The following ADGRL4 variants were observed in gnomAD, a reference collection of about 807,000 sequenced individuals.
The protein encoded by ADGRL4 is adhesion G protein-coupled receptor L4.
ADGRL4 carries 90 observed loss-of-function variants against 74.8 expected under a neutral mutation model. The observed-to-expected ratio is 1.20, with a 90% CI of 1.02 to 1.43. The LOEUF (loss-of-function observed/expected upper bound fraction) is 1.43. Ranked by LOEUF, ADGRL4 falls within the 40% of genes most tolerant of loss-of-function variation. ADGRL4 has a pLI of 0.00. For missense variants in ADGRL4, 881 were observed against 814.3 expected (o/e 1.08, Z -1.00); for synonymous variants, 311 against 279.2 (o/e 1.11, Z -1.14).
At chr1:78,983,495 A>G (rs1650436540) in intron 2 of ADGRL4, among the ~76,000 whole-genome samples, 1 of 151,828 alleles carries the variant, frequency 6.6e-6, no homozygotes, top group Admixed American at 6.6e-5. Context: ...TGGTTGAACA[A>G]CAGATTAAAT....
At chr1:78,939,958 T>C (rs1288815259) in intron 3 of ADGRL4, among the ~76,000 whole-genome samples, 1 of 152,170 alleles carries the variant, frequency 6.6e-6, no homozygotes, top group African/African-American at 2.4e-5. Flanking sequence ...TAGATGCATA[T>C]ACTTTTTAAC....
intron 2 of ADGRL4, among the ~76,000 whole-genome samples, chr1:79,002,802 C>T (rs181055519): frequency 6.1e-4 from 92 of 151,880 alleles, no homozygotes; most frequent in African/African-American, 1.9e-3. Flanking sequence ...ATGATAATGA[C>T]GATCAAAGTG....
chr1:78,928,552 C>T (rs899722347), intron 7 of ADGRL4, among the ~76,000 whole-genome samples: 2 of 151,336 alleles, frequency 1.3e-5, no homozygotes, highest in African/African-American at 4.9e-5. Context: ...CTTTACAATG[C>T]TTACTTTAGT....
intron 2 of ADGRL4, among the ~76,000 whole-genome samples, chr1:78,981,374 C>A (rs116315974): frequency 6.1e-4 from 93 of 151,900 alleles, no homozygotes; most frequent in African/African-American, 2.1e-3. Context: ...TTTATCATGC[C>A]CATTTCATAA....
At chr1:78,923,800 G>T (rs933904940) in intron 8 of ADGRL4, among the ~76,000 whole-genome samples, 1 of 151,480 alleles carries the variant, frequency 6.6e-6, no homozygotes, top group African/African-American at 2.4e-5. Context: ...ATTAAAAATA[G>T]GAATGAAAAA....
intron 2 of ADGRL4, among the ~76,000 whole-genome samples, chr1:78,980,308 G>A (rs1156441541): frequency 2.0e-5 from 3 of 151,494 alleles, no homozygotes; most frequent in Non-Finnish European, 2.9e-5. Flanking sequence ...TTTTCTCTAG[G>A]CCTTTATTCT....
At chr1:78,988,538 G>A (rs1650541803) in intron 2 of ADGRL4, among the ~76,000 whole-genome samples, 1 of 151,834 alleles carries the variant, frequency 6.6e-6, no homozygotes, top group South Asian at 2.1e-4. Flanking sequence ...AAGGTGTCTT[G>A]ATACATTTCC....
chr1:79,000,413 G>A (rs4549994), intron 2 of ADGRL4, among the ~76,000 whole-genome samples: 66,067 of 151,944 alleles, frequency 0.43, 14,384 homozygotes, highest in East Asian at 0.59. Flanking sequence ...AACCAGGTCA[G>A]CGAAGTCTTT....
chr1:78,995,631 T>G (rs1454579249), intron 2 of ADGRL4, among the ~76,000 whole-genome samples: 3 of 152,324 alleles, frequency 2.0e-5, no homozygotes, highest in Admixed American at 1.3e-4. Context: ...TCTTTCAAAT[T>G]GAGTCCAAAA....
At chr1:78,922,776 A>G (rs927482586) in intron 8 of ADGRL4, among the ~76,000 whole-genome samples, 9 of 152,012 alleles carry the variant, frequency 5.9e-5, no homozygotes, top group Non-Finnish European at 1.2e-4. Flanking sequence ...CTAAACACTG[A>G]TAGATGGAGT....
intron 7 of ADGRL4, among the ~76,000 whole-genome samples, chr1:78,934,240 A>G (rs1557503151): frequency 1.3e-5 from 2 of 152,134 alleles, no homozygotes; most frequent in South Asian, 4.2e-4. Flanking sequence ...GACCTCAGAA[A>G]TAACACCACA....
chr1:78,916,096 C>T (rs2100667257), intron 12 of ADGRL4, among the ~76,000 whole-genome samples: 1 of 151,896 alleles, frequency 6.6e-6, no homozygotes, highest in African/African-American at 2.4e-5. Flanking sequence ...GAAAAGTTTT[C>T]AGGACTCATT....
intron 2 of ADGRL4, among the ~76,000 whole-genome samples, chr1:78,971,203 G>T (rs1314917290): frequency 6.6e-6 from 1 of 152,100 alleles, no homozygotes; most frequent in African/African-American, 2.4e-5. Context: ...AGCACCCCCT[G>T]ACAGCAGGAA....
At chr1:78,907,007 T>C (rs914958027) in intron 12 of ADGRL4, among the ~76,000 whole-genome samples, 7 of 152,004 alleles carry the variant, frequency 4.6e-5, no homozygotes, top group African/African-American at 1.7e-4. Flanking sequence ...CCCATCTACA[T>C]ATCAGAAATT....
intron 12 of ADGRL4, among the ~76,000 whole-genome samples, chr1:78,916,450 T>C (rs1285285981): frequency 2.0e-5 from 3 of 151,932 alleles, no homozygotes; most frequent in Non-Finnish European, 4.4e-5. Context: ...TATATTCTTA[T>C]GTGGGTTGGA....
At chr1:78,972,063 T>C (rs1650180349) in intron 2 of ADGRL4, among the ~76,000 whole-genome samples, 1 of 152,124 alleles carries the variant, frequency 6.6e-6, no homozygotes, top group Non-Finnish European at 1.5e-5. Context: ...CCAGGATTAT[T>C]TTAAGGATTA....
At chr1:78,916,040 C>G (rs1648865870) in intron 12 of ADGRL4, among the ~76,000 whole-genome samples, 1 of 151,834 alleles carries the variant, frequency 6.6e-6, no homozygotes, top group Admixed American at 6.6e-5. Context: ...AATTGGCTCA[C>G]TAGCTCCAGA....
chr1:78,983,397 G>T (rs1042782533), intron 2 of ADGRL4, among the ~76,000 whole-genome samples: 5 of 150,946 alleles, frequency 3.3e-5, no homozygotes, highest in Admixed American at 6.6e-5. Context: ...AAGCTACAAG[G>T]TTCTATTAAA....
intron 12 of ADGRL4, among the ~76,000 whole-genome samples, chr1:78,915,217 C>A (rs1157511503): frequency 1.3e-5 from 2 of 151,858 alleles, no homozygotes; most frequent in Non-Finnish European, 2.9e-5. Flanking sequence ...GAAGAATACT[C>A]CAGTAAGCAC....
Sources: allele counts gnomAD v4.1 joint callset (sites outside exome capture counted in the v4.1 genomes callset), GRCh38; gene constraint gnomAD v4.1.1; transcripts MANE v1.5; gene names NCBI Gene and HGNC (gene_info 2026-07-23, HGNC 2026-07-21).